The following SHISA6 variants were observed in gnomAD, a reference collection of about 807,000 sequenced individuals.
SHISA6 encodes the protein shisa family member 6.
A neutral mutation model predicts 47.9 loss-of-function variants in SHISA6; 22 were observed. The observed-to-expected ratio is 0.46, with a 90% CI of 0.33 to 0.66. The LOEUF is 0.66. SHISA6 is among the 30% of genes least tolerant of loss of function. SHISA6 has a pLI of 0.02. For synonymous variants in SHISA6, 388 were observed against 337.8 expected, an observed-to-expected ratio of 1.15 and a Z score of -1.63; for missense variants, 680 against 764.6, an observed-to-expected ratio of 0.89 and a Z score of 1.30.
At chr17:11,484,691 A>G (rs1916303575) in intron 3 of SHISA6, among the ~76,000 whole-genome samples, 1 of 152,150 alleles carries the variant, frequency 6.6e-6, no homozygotes, top group African/African-American at 2.4e-5. Flanking sequence ...GAGCCATCAC[A>G]CCCAGCCTAA....
intron 3 of SHISA6, among the ~76,000 whole-genome samples, chr17:11,524,258 A>G (rs991118423): frequency 6.6e-6 from 1 of 152,106 alleles, no homozygotes; most frequent in Non-Finnish European, 1.5e-5. Context: ...ATAAGAGAGC[A>G]ACTTGTTTCA....
rs115110151 is a variant in SHISA6, at chr17:11,425,099, C to A, written c.895+45590C>A. Reference sequence around the variant, plus strand: ...CACATGGTATCTGTGATTTTCTGTTCTTTTTATGTGTCTGAAATCTTTCAA... The same window carrying A: ...CACATGGTATCTGTGATTTTCTGTTATTTTTATGTGTCTGAAATCTTTCAA... On this transcript the variant is annotated intron_variant, in intron 3 of 5. Transcript: ENST00000441885. 7.2e-3 allele frequency among the ~76,000 whole-genome samples: 1,080 copies of A among 150,088 alleles called. 13 individuals are homozygous for A. The highest frequency in any genetic ancestry group is 0.024 in the African/African-American group (979 of 40,782).
chr17:11,400,830 T>C (rs1436415518), intron 3 of SHISA6, among the ~76,000 whole-genome samples: 1 of 152,130 alleles, frequency 6.6e-6, no homozygotes, highest in Admixed American at 6.6e-5. Context: ...ACTGAAATGT[T>C]TTTCACCGAC....
chr17:11,370,906 C>G (rs989304155), intron 2 of SHISA6, among the ~76,000 whole-genome samples: 3 of 152,170 alleles, frequency 2.0e-5, no homozygotes, highest in African/African-American at 7.2e-5. Context: ...ATGGGCTAGG[C>G]ACTTAGCAAT....
At chr17:11,525,563 G>A (rs974494281) in intron 3 of SHISA6, among the ~76,000 whole-genome samples, 4 of 146,700 alleles carry the variant, frequency 2.7e-5, no homozygotes, top group Admixed American at 7.0e-5. Context: ...AACCCGGGAG[G>A]TGGAAGTTGC....
intron 3 of SHISA6, among the ~76,000 whole-genome samples, chr17:11,543,425 C>T (rs2908960): frequency 0.53 from 81,070 of 151,884 alleles, 22,810 homozygotes; most frequent in African/African-American, 0.72. Flanking sequence ...ACTAAGAAAA[C>T]AATTTTTAAA....
Position 11,462,617 on chromosome 17 carries a change from G to A in SHISA6, c.895+83108G>A, listed in dbSNP as rs1038022420. On this transcript the variant is annotated intron_variant, in intron 3 of 5. Transcript: ENST00000441885. ...CAGCTGACAGTGTGGGGTTTTTTTT[G>A]TTTGTTTGTTTTTGTTTTTTTGAGA... Among the ~76,000 whole-genome samples, 4 of 151,844 alleles carry A rather than the reference G, an allele frequency of 2.6e-5. No individual in the cohort carries two copies. In the East Asian group the frequency reaches 5.8e-4, roughly 22 times the overall value.
At chr17:11,444,379 G>C (rs976605188) in intron 3 of SHISA6, among the ~76,000 whole-genome samples, 38 of 152,176 alleles carry the variant, frequency 2.5e-4, no homozygotes, top group African/African-American at 7.2e-4. Context: ...CTGTTGTGCT[G>C]TTACCATATT....
At position 11,558,455 on chromosome 17, in the gene SHISA6, C is replaced by T; in HGVS notation, c.*151C>T. The stretch of plus-strand genomic sequence containing the variant: ...GGCCACCTTTGCCCAAAAAGCCATA[C>T]CCCCGGGGACACAGCCCCGATGGCC... On this transcript the variant is annotated 3_prime_UTR_variant, in exon 6 of 6. Transcript: ENST00000441885. 1 of 835,700 alleles carries T rather than the reference C, an allele frequency of 1.2e-6. No homozygotes were observed. Among genetic ancestry groups the T allele is most frequent in the South Asian group, 1.8e-5 (1 of 55,882 alleles). The allele number at this position is 835,700 out of a possible 1,614,324, so 51.8% of individuals were successfully genotyped here.
chr17:11,360,652 G>C (rs1912238002), intron 2 of SHISA6, among the ~76,000 whole-genome samples: 1 of 151,932 alleles, frequency 6.6e-6, no homozygotes. Context: ...CAAGGGAAGG[G>C]AGAGCATTAG....
chr17:11,250,965 C>T (rs188232664), intron 1 of SHISA6, among the ~76,000 whole-genome samples: 1 of 152,274 alleles, frequency 6.6e-6, no homozygotes, highest in Non-Finnish European at 1.5e-5. Context: ...TGCACCTAAC[C>T]TGCATTATCT....
Position 11,558,120 on chromosome 17 carries a change from G to T in SHISA6, c.1472G>T (p.Arg491Leu), listed in dbSNP as rs938069258. 5 of 1,551,290 alleles carry T rather than the reference G, an allele frequency of 3.2e-6. No individual in the cohort carries two copies. The East Asian group carries it at 7.3e-5, about 23-fold the overall frequency. Residue 491 changes from arginine to leucine, a missense_variant, in exon 6 of 6, where the codon CGC becomes CTC. Transcript: ENST00000441885. The stretch of plus-strand genomic sequence containing the variant: ...TCCACACCCGTGCTGGACCGCTACC[G>T]CATGAGCAAGATGCACTCTCATCCC... ...FVSTPVLDRY[R>L]MSKMHSHPSA...
chr17:11,246,085 G>A (rs966644028), intron 1 of SHISA6, among the ~76,000 whole-genome samples: 3 of 152,136 alleles, frequency 2.0e-5, no homozygotes, highest in African/African-American at 7.2e-5. Context: ...GATCTAAATA[G>A]AGAGTCGACT....
chr17:11,426,630 A>G (rs906864367), intron 3 of SHISA6, among the ~76,000 whole-genome samples: 4 of 152,228 alleles, frequency 2.6e-5, no homozygotes, highest in African/African-American at 9.6e-5. Flanking sequence ...AGAAAATATT[A>G]TATTTATTTT....
At chr17:11,244,200 G>A (rs1340584476) in intron 1 of SHISA6, among the ~76,000 whole-genome samples, 2 of 152,120 alleles carry the variant, frequency 1.3e-5, no homozygotes, top group African/African-American at 4.8e-5. Flanking sequence ...GCAAATATGG[G>A]ATGTTTCCCC....
At chr17:11,327,656 G>A (rs1240201108) in intron 2 of SHISA6, among the ~76,000 whole-genome samples, 1 of 152,166 alleles carries the variant, frequency 6.6e-6, no homozygotes, top group Admixed American at 6.5e-5. Flanking sequence ...AATTAGCCGG[G>A]TGTGGTGGTG....
chr17:11,511,386 G>A (rs2071540046), intron 3 of SHISA6, among the ~76,000 whole-genome samples: 1 of 151,996 alleles, frequency 6.6e-6, no homozygotes, highest in Non-Finnish European at 1.5e-5. Flanking sequence ...AAACCACCAT[G>A]GCACATGTAT....
chr17:11,361,052 T>C (rs1912261389), intron 2 of SHISA6, among the ~76,000 whole-genome samples: 1 of 117,012 alleles, frequency 8.5e-6, no homozygotes, highest in Non-Finnish European at 1.9e-5. Context: ...CCTGTTTTTT[T>C]TTTTGTGTGT....
chr17:11,392,736 AG>A (rs1161332431), intron 3 of SHISA6, among the ~76,000 whole-genome samples: 9 of 152,362 alleles, frequency 5.9e-5, no homozygotes, highest in African/African-American at 2.2e-4. Flanking sequence ...AGCTATGCCC[AG>A]ATTGGGGTGT....
Sources: allele counts gnomAD v4.1 joint callset (sites outside exome capture counted in the v4.1 genomes callset), GRCh38; gene constraint gnomAD v4.1.1; transcripts MANE v1.5; gene names NCBI Gene and HGNC (gene_info 2026-07-23, HGNC 2026-07-21).